Variants in IGF2BP3 observed in about 807,000 individuals in gnomAD.
IGF2BP3 encodes the protein insulin-like growth factor 2 mRNA-binding protein 3.
IGF2BP3 carries 9 observed loss-of-function variants against 73.8 expected under a neutral mutation model. The observed-to-expected ratio is 0.12, with a 90% CI of 0.07 to 0.21. The LOEUF is 0.21. IGF2BP3 is among the 10% of genes least tolerant of loss of function. IGF2BP3 has a pLI of 1.00. For synonymous variants in IGF2BP3, 258 were observed against 256.7 expected, an observed-to-expected ratio of 1.01 and a Z score of -0.05; for missense variants, 542 against 714.0, an observed-to-expected ratio of 0.76 and a Z score of 2.75.
intron 10 of IGF2BP3, among the ~76,000 whole-genome samples, chr7:23,321,127 A>C (rs936562370): frequency 6.6e-6 from 1 of 152,230 alleles, no homozygotes; most frequent in Non-Finnish European, 1.5e-5. Context: ...GCGATGCAGA[A>C]GACGGGTGAT....
At chr7:23,439,396 C>CAA (rs983892422) in intron 2 of IGF2BP3, among the ~76,000 whole-genome samples, 48 of 138,252 alleles carry the variant, frequency 3.5e-4, no homozygotes, top group African/African-American at 1.1e-3. Flanking sequence ...ACTAAAAATA[C>CAA]AAAAAAAAAA....
rs552333322 is a variant in IGF2BP3, at chr7:23,467,833, T to C, written c.236+649A>G. 1.2e-3 allele frequency: 185 copies of C among 153,582 alleles called. 3 individuals are homozygous for C. The South Asian group carries it at 0.022, about 19-fold the overall frequency. 9.5% of individuals were successfully genotyped at this position (153,582 alleles called of 1,614,324 possible). A position where few individuals can be genotyped will look rare whatever the true frequency, so the allele number is the denominator to read the frequency against. ...GTACGAATCTTCCTGTCTTCATCTT[T>C]TGGTGGTTGTAAGCAAAAATGTACC... On this transcript the variant is annotated intron_variant, in intron 2 of 14. Coordinates refer to ENST00000258729, the MANE Select transcript of IGF2BP3 (RefSeq NM_006547.3).
At chr7:23,361,451 C>T in intron 5 of IGF2BP3, 83 bp downstream of exon 5, 1 of 1,099,980 alleles carries the variant, frequency 9.1e-7, no homozygotes. Flanking sequence ...CCTACCAGCC[C>T]TTCTCAGTTG....
rs1446513210 is a variant in IGF2BP3 at position 23,412,923 on chromosome 7, G to A, written c.285+5853C>T. ...CACCCAGGCTGGAGTGCAGTGGTGC[G>A]ATCTTGGCTCACTGCAACCTCCGCC... On this transcript the variant is annotated intron_variant, in intron 3 of 14. Transcript: ENST00000258729. Among the ~76,000 whole-genome samples the A allele has an allele frequency of 4.8e-5, 6 of 125,584 alleles. No individual in the cohort carries two copies. The East Asian group carries it at 1.4e-3, about 30-fold the overall frequency. 82.4% of individuals were successfully genotyped at this position (125,584 alleles called of 152,430 possible).
At chr7:23,410,201 A>G (rs1786975458) in intron 3 of IGF2BP3, among the ~76,000 whole-genome samples, 1 of 151,922 alleles carries the variant, frequency 6.6e-6, no homozygotes, top group Non-Finnish European at 1.5e-5. Flanking sequence ...ATACAAAAGA[A>G]AAAAAAATAG....
chr7:23,417,928 T>C (rs1265324008), intron 3 of IGF2BP3, among the ~76,000 whole-genome samples: 1 of 152,204 alleles, frequency 6.6e-6, no homozygotes, highest in South Asian at 2.1e-4. Context: ...GTTCTGAAGA[T>C]AAATATTCTC....
intron 3 of IGF2BP3, among the ~76,000 whole-genome samples, chr7:23,362,969 G>A (rs918553740): frequency 6.6e-6 from 1 of 152,040 alleles, no homozygotes; most frequent in African/African-American, 2.4e-5. Context: ...TGCCCAGGCT[G>A]GTCTCAAACT....
chr7:23,434,706 C>T (rs7808836), intron 2 of IGF2BP3, among the ~76,000 whole-genome samples: 46,165 of 152,048 alleles, frequency 0.3, 7,372 homozygotes, highest in Middle Eastern at 0.4. Flanking sequence ...GCAGAAAACA[C>T]AATGCAAATG....
rs576272365 is a variant in IGF2BP3, at chr7:23,369,623, G to A, written c.286-7882C>T. ...GAAATTTGATTCACTTTGACATTATGTATACACTCACTAAACTATCACCAT... is the reference window on the plus strand; with the variant it reads ...GAAATTTGATTCACTTTGACATTATATATACACTCACTAAACTATCACCAT... On this transcript the variant is annotated intron_variant, in intron 3 of 14. Transcript: ENST00000258729. Among the ~76,000 whole-genome samples the A allele has an allele frequency of 7.0e-4, 107 of 151,792 alleles. 1 individual carries two copies. The highest frequency in any genetic ancestry group is 2.5e-3 in the African/African-American group (102 of 41,372).
chr7:23,434,560 A>G (rs1204789100), intron 2 of IGF2BP3, among the ~76,000 whole-genome samples: 2 of 152,234 alleles, frequency 1.3e-5, no homozygotes, highest in Non-Finnish European at 2.9e-5. Flanking sequence ...TGAGAACTCC[A>G]ATGTATCAAC....
chr7:23,312,892 ACCTT>A, intron 13 of IGF2BP3, 44 bp from the exon 14 acceptor site: 1 of 1,329,950 alleles, frequency 7.5e-7, no homozygotes, highest in Non-Finnish European at 1.1e-6. Flanking sequence ...CAGTTTTAAA[ACCTT>A]ACTTCCTAAG....
At chr7:23,406,331 G>C (rs182209662) in intron 3 of IGF2BP3, among the ~76,000 whole-genome samples, 55 of 152,228 alleles carry the variant, frequency 3.6e-4, no homozygotes, top group African/African-American at 1.3e-3. Flanking sequence ...AAGCCTCAGG[G>C]AAACAAAATA....
intron 3 of IGF2BP3, among the ~76,000 whole-genome samples, chr7:23,403,846 G>C (rs1308052583): frequency 6.6e-6 from 1 of 152,048 alleles, no homozygotes; most frequent in Non-Finnish European, 1.5e-5. Context: ...TACTTGGCCA[G>C]GCACGGTGAC....
At chr7:23,358,109 T>C (rs1785141261) in intron 5 of IGF2BP3, among the ~76,000 whole-genome samples, 2 of 152,384 alleles carry the variant, frequency 1.3e-5, no homozygotes, top group South Asian at 4.1e-4. Context: ...TTTTTCTCAG[T>C]AGCCTCATTA....
At chr7:23,383,429 G>C (rs1210164053) in intron 3 of IGF2BP3, among the ~76,000 whole-genome samples, 1 of 152,132 alleles carries the variant, frequency 6.6e-6, no homozygotes, top group Admixed American at 6.6e-5. Context: ...AAAACCACAA[G>C]AGGATACCAC....
intron 5 of IGF2BP3, among the ~76,000 whole-genome samples, chr7:23,359,139 A>G (rs1017587786): frequency 5.3e-5 from 8 of 152,242 alleles, no homozygotes; most frequent in African/African-American, 1.9e-4. Context: ...CAACTACGCT[A>G]AAGAATTTTG....
intron 10 of IGF2BP3, among the ~76,000 whole-genome samples, chr7:23,321,150 A>G (rs1784133202): frequency 1.3e-5 from 2 of 152,144 alleles, no homozygotes; most frequent in African/African-American, 4.8e-5. Context: ...CTGCATTTCC[A>G]TCTGAGGTAC....
At chr7:23,465,398 C>G (rs1788542745) in intron 2 of IGF2BP3, among the ~76,000 whole-genome samples, 2 of 152,344 alleles carry the variant, frequency 1.3e-5, no homozygotes, top group South Asian at 2.1e-4. Context: ...CTGCTATAAT[C>G]TTCCCCAACT....
At chr7:23,359,697 A>C (rs539947122) in intron 5 of IGF2BP3, among the ~76,000 whole-genome samples, 27 of 152,266 alleles carry the variant, frequency 1.8e-4, no homozygotes, top group Non-Finnish European at 3.2e-4. Flanking sequence ...AAAAATACAA[A>C]AAAAAAGACT....
Sources: gnomAD v4.1 joint callset for allele counts (sites outside exome capture counted in the v4.1 genomes callset) on GRCh38, gnomAD v4.1.1 for gene constraint, MANE v1.5 for transcripts, NCBI Gene and HGNC (gene_info 2026-07-23, HGNC 2026-07-21) for gene names.